MYCBP2: variants seen among roughly 807,000 people sequenced by gnomAD.
The protein encoded by MYCBP2 is MYC binding protein 2, also known as E3 ubiquitin-protein ligase MYCBP2.
Under a neutral mutation model 525.3 loss-of-function variants are expected in MYCBP2, and 120 were observed. That is an observed-to-expected ratio of 0.23 (90% CI 0.20 to 0.27). The LOEUF (loss-of-function observed/expected upper bound fraction) is 0.27, where lower values mean the gene tolerates loss of function less well. Ranked by LOEUF, MYCBP2 falls within the 10% of genes least tolerant of loss-of-function variation. The pLI, the probability that MYCBP2 is intolerant of heterozygous loss-of-function variation, is 1.00. For missense variants in MYCBP2, 4,149 were observed against 5,657.1 expected (o/e 0.73, Z 8.55); for synonymous variants, 1,894 against 1,955.8 (o/e 0.97, Z 0.83).
intron 26 of MYCBP2, among the ~76,000 whole-genome samples, chr13:77,200,138 CT>C (rs1359378833): frequency 6.6e-6 from 1 of 151,700 alleles, no homozygotes; most frequent in East Asian, 1.9e-4. Flanking sequence ...AAGTTGAAAA[CT>C]TTGAAAAAAA....
chr13:77,297,721 T>C (rs1484588254), intron 1 of MYCBP2, among the ~76,000 whole-genome samples: 1 of 152,118 alleles, frequency 6.6e-6, no homozygotes, highest in Non-Finnish European at 1.5e-5. Context: ...TGTCAACAAA[T>C]AGACAAGAGT....
At chr13:77,271,184 T>C (rs1262359155) in intron 5 of MYCBP2, among the ~76,000 whole-genome samples, 2 of 152,208 alleles carry the variant, frequency 1.3e-5, no homozygotes, top group Non-Finnish European at 2.9e-5. Context: ...TCTAAGGACT[T>C]GGCAGGATTG....
chr13:77,124,253 T>G (rs2051265789), intron 54 of MYCBP2, among the ~76,000 whole-genome samples: 1 of 152,178 alleles, frequency 6.6e-6, no homozygotes. Context: ...TTTAAGATTA[T>G]ATCACCTACC....
At chr13:77,203,663 AACCAAAACAGCATGGTATTGGT>A (rs1216663547) in intron 26 of MYCBP2, among the ~76,000 whole-genome samples, 1 of 152,256 alleles carries the variant, frequency 6.6e-6, no homozygotes, top group Non-Finnish European at 1.5e-5. Context: ...AGGCTACAGT[AACCAAAACAGCATGGTATTGGT>A]ACCAAAACAG....
rs977993695 is a variant in MYCBP2 at position 77,190,417 on chromosome 13, T to C, written c.4071-82A>G. 8 of 830,564 alleles carry C rather than the reference T, an allele frequency of 9.6e-6. No individual in the cohort carries two copies. The African/African-American group carries it at 1.4e-4, about 14-fold the overall frequency. 51.4% of individuals were successfully genotyped at this position (830,564 alleles called of 1,614,324 possible). Reference sequence around the variant, plus strand: ...ATTTAAGAAACATGTTTTCAAATCTTATGTCAATGAAAATGATTCACTCTT... The same window carrying C: ...ATTTAAGAAACATGTTTTCAAATCTCATGTCAATGAAAATGATTCACTCTT... On this transcript the variant is annotated intron_variant, in intron 28 of 82. Coordinates refer to ENST00000544440, the MANE Select transcript of MYCBP2 (RefSeq NM_015057.5).
intron 30 of MYCBP2, among the ~76,000 whole-genome samples, chr13:77,188,423 T>C (rs1215076815): frequency 1.3e-5 from 2 of 152,186 alleles, no homozygotes; most frequent in Non-Finnish European, 2.9e-5. Flanking sequence ...AATCCTCAAT[T>C]AATACATGAG....
chr13:77,245,655 C>T (rs1224809535), intron 15 of MYCBP2, among the ~76,000 whole-genome samples: 11 of 150,702 alleles, frequency 7.3e-5, no homozygotes, highest in Non-Finnish European at 1.3e-4. Flanking sequence ...ACCTAATGAC[C>T]GGTTGACAGG....
At position 77,150,957 on chromosome 13, in the gene MYCBP2, T is replaced by C. The variant is rs146013862; in HGVS notation, c.6916-8A>G. 2.3e-4 allele frequency: 377 copies of C among 1,610,644 alleles called. 2 individuals carry two copies. In the African/African-American group the frequency reaches 3.7e-3, roughly 16 times the overall value. ...GACAGCTTTCACTTCCACCTAAACA[T>C]GGTATTATAGAAACCAAATACCATT... On this transcript the variant is annotated splice_polypyrimidine_tract_variant and splice_region_variant and intron_variant, in intron 46 of 82. Transcript: ENST00000544440.
chr13:77,121,879 A>G (rs2050758753), intron 54 of MYCBP2, among the ~76,000 whole-genome samples: 1 of 152,172 alleles, frequency 6.6e-6, no homozygotes, highest in South Asian at 2.1e-4. Flanking sequence ...AAATAAAAGT[A>G]TTTTGCATAT....
Position 77,262,119 on chromosome 13 carries a change from A to G in MYCBP2, c.1581T>C (p.Phe527=). The G allele has an allele frequency of 6.2e-7, 1 of 1,609,354 alleles. No homozygotes were observed. Among genetic ancestry groups the G allele is most frequent in the East Asian group, 2.2e-5 (1 of 44,702 alleles). Residue 527 remains phenylalanine (F), a synonymous_variant, in exon 11 of 83, where the codon TTT becomes TTC. Coordinates refer to ENST00000544440, the MANE Select transcript of MYCBP2 (RefSeq NM_015057.5). Reference sequence around the variant, plus strand: ...CACCAAGAATTGCTGACTCCTCATCAAATCCTGTACCTGAAATACGAGACT... The same window carrying G: ...CACCAAGAATTGCTGACTCCTCATCGAATCCTGTACCTGAAATACGAGACT... ...EKDLHIISTG[F]DEESAILGAG... is the part of the protein sequence containing the mutation.
intron 19 of MYCBP2, 28 bp downstream of exon 19, chr13:77,225,407 A>C: frequency 6.2e-7 from 1 of 1,612,932 alleles, no homozygotes; most frequent in Non-Finnish European, 8.5e-7. Context: ...GTAAAAACGC[A>C]GTTATACCCT....
intron 1 of MYCBP2, among the ~76,000 whole-genome samples, chr13:77,303,754 A>G (rs538636933): frequency 7.0e-6 from 1 of 142,332 alleles, no homozygotes. Flanking sequence ...TTTTGCATAC[A>G]CATAAATGCA....
chr13:77,072,816 A>G (rs2041608641), intron 68 of MYCBP2, among the ~76,000 whole-genome samples: 1 of 152,178 alleles, frequency 6.6e-6, no homozygotes, highest in Non-Finnish European at 1.5e-5. Context: ...AGCTTACCCA[A>G]AAAGAAACAG....
intron 18 of MYCBP2, among the ~76,000 whole-genome samples, chr13:77,228,049 T>C (rs991402859): frequency 6.6e-6 from 1 of 151,866 alleles, no homozygotes; most frequent in Non-Finnish European, 1.5e-5. Context: ...AATTAAAATA[T>C]ATATTTTATA....
chr13:77,285,793 G>A (rs1406078133), intron 3 of MYCBP2, among the ~76,000 whole-genome samples: 2 of 151,138 alleles, frequency 1.3e-5, no homozygotes, highest in African/African-American at 4.9e-5. Flanking sequence ...TGAAAGAAAG[G>A]AAAGGAAAGG....
intron 55 of MYCBP2, among the ~76,000 whole-genome samples, chr13:77,103,917 C>T (rs1032555328): frequency 4.6e-5 from 7 of 151,932 alleles, no homozygotes; most frequent in Non-Finnish European, 1.0e-4. Flanking sequence ...ATTTACACAA[C>T]GTGTCACAAC....
chr13:77,129,445 A>G (rs2052339290), intron 52 of MYCBP2: 1 of 344,404 alleles, frequency 2.9e-6, no homozygotes, highest in Non-Finnish European at 5.2e-6. Context: ...CTCTCCATGG[A>G]TATAGTGTGT....
rs754426524 is a variant in MYCBP2 at position 77,064,602 on chromosome 13, A to G, written c.12672+13T>C. 6.3e-7 allele frequency: 1 copy of G among 1,594,550 alleles called. No individual in the cohort carries two copies. Among genetic ancestry groups the G allele is most frequent in the Non-Finnish European group, 8.6e-7 (1 of 1,169,386 alleles). On this transcript the variant is annotated intron_variant, in intron 73 of 82. Coordinates refer to ENST00000544440, the MANE Select transcript of MYCBP2 (RefSeq NM_015057.5). ...ACCAAATTTAAAACAAAACAAAACA[A>G]AGCAAAACCTACTCTAGTTGTTGCA... is the stretch of plus-strand genomic sequence containing the variant.
Position 77,097,767 on chromosome 13 carries a change from C to T in MYCBP2, c.9387G>A (p.Leu3129=). Residue 3129 remains leucine (L), a synonymous_variant, in exon 56 of 83, where the codon CTG becomes CTA. Coordinates refer to ENST00000544440, the MANE Select transcript of MYCBP2 (RefSeq NM_015057.5). ...KVLSMLKEPP[L]HEKCEDGKTE... ...TTTTCCCATCCTCACATTTTTCATG[C>T]AGAGGTGGTTCCTTAAGCATAGACA... is the stretch of plus-strand genomic sequence containing the variant. 6.2e-7 allele frequency: 1 copy of T among 1,613,668 alleles called. No individual in the cohort carries two copies.
Sources: gnomAD v4.1 joint callset for allele counts (sites outside exome capture counted in the v4.1 genomes callset) on GRCh38, gnomAD v4.1.1 for gene constraint, MANE v1.5 for transcripts, NCBI Gene and HGNC (gene_info 2026-07-23, HGNC 2026-07-21) for gene names.